Variants in WDR62 observed in about 807,000 individuals in gnomAD.
WDR62 encodes WD repeat domain 62, also known as WD repeat-containing protein 62.
Under a neutral mutation model 160.6 loss-of-function variants are expected in WDR62, and 112 were observed. The ratio of observed to expected loss-of-function variants is 0.70; its 90% CI spans 0.60 to 0.82. WDR62 has a LOEUF of 0.82. Ranked by LOEUF, WDR62 falls within the 40% of genes least tolerant of loss-of-function variation. The pLI, the probability that WDR62 is intolerant of heterozygous loss-of-function variation, is 0.00. For synonymous variants in WDR62, 792 were observed against 815.1 expected (o/e 0.97, Z 0.48); for missense variants, 1,819 against 1,983.8 (o/e 0.92, Z 1.58).
chr19:36,067,851 A>G lies in WDR62; in HGVS notation c.723A>G (p.Val241=), dbSNP rs1487717436. ...AGGTGACGAGCACAGTGCCCCTTGT[A>G]GGGCGCTCGGGCATCCTGGGCGAGC... The part of the protein sequence containing the change: ...ETKVTSTVPL[V]GRSGILGELH... The change falls in exon 7 of 32, where the codon GTA becomes GTG. Residue 241 remains valine (V), a synonymous_variant. Coordinates refer to ENST00000401500, the MANE Select transcript of WDR62 (RefSeq NM_001083961.2). The G allele has an allele frequency of 6.2e-7, 1 of 1,614,158 alleles. No homozygotes were observed. The highest frequency in any genetic ancestry group is 1.7e-5 in the Admixed American group (1 of 60,028).
chr19:36,093,015 A>G (rs1972727909), intron 19 of WDR62, among the ~76,000 whole-genome samples: 1 of 152,216 alleles, frequency 6.6e-6, no homozygotes, highest in Non-Finnish European at 1.5e-5. Flanking sequence ...ATTTTCGTAA[A>G]TAATAGAGAC....
intron 3 of WDR62, chr19:36,060,689 T>A (rs185469905): frequency 1.3e-5 from 2 of 153,480 alleles, no homozygotes; most frequent in African/African-American, 4.8e-5. Flanking sequence ...CTCCAGCAGC[T>A]CTATTCCCTG....
At chr19:36,109,016 G>A (rs962377957), downstream of WDR62, among the ~76,000 whole-genome samples, 13 of 152,040 alleles carry the variant, frequency 8.6e-5, no homozygotes, top group African/African-American at 2.7e-4. Context: ...TGAAGAAACC[G>A]AGGCCCAATG....
Position 36,079,171 on chromosome 19 carries a change from TC to T in WDR62, c.1234-2261del, listed in dbSNP as rs373848718. 8.0e-4 allele frequency among the ~76,000 whole-genome samples: 122 copies of T among 152,276 alleles called. 2 individuals are homozygous for T. The East Asian group carries it at 0.016, about 20-fold the overall frequency. On this transcript the variant is annotated intron_variant, in intron 9 of 31. Coordinates refer to ENST00000401500, the MANE Select transcript of WDR62 (RefSeq NM_001083961.2). ...ATCACAGCTCACTGAAGCCTCAACC[TC>T]ATAGGCACAAGCAGTTCTCCTGCCT...
intron 11 of WDR62, 115 bp from the exon 12 acceptor site, chr19:36,084,538 G>A: frequency 1.1e-6 from 1 of 901,156 alleles, no homozygotes; most frequent in Non-Finnish European, 1.8e-6. Flanking sequence ...TAGAGTATTT[G>A]GCCATGATAA....
chr19:36,102,500 A>G (rs779145624), intron 26 of WDR62: 4 of 594,124 alleles, frequency 6.7e-6, no homozygotes, highest in Non-Finnish European at 9.0e-6. Context: ...GCCTCAGATG[A>G]TCTGCCCGCC....
At chr19:36,081,329 A>T (rs1599791480) in intron 9 of WDR62, 104 bp from the exon 10 acceptor site, 2 of 1,365,816 alleles carry the variant, frequency 1.5e-6, no homozygotes, top group South Asian at 2.3e-5. Flanking sequence ...ATTGCACGAT[A>T]CCTGTTTATC....
rs202208001 is a variant in WDR62 at position 36,073,450 on chromosome 19, C to T, written c.1152C>T (p.Tyr384=). ...GCGTGTATAAGGACCACAGCATCTACATCTGGGATGTCAAGGACATCAACA... is the reference window on the plus strand; with the variant it reads ...GCGTGTATAAGGACCACAGCATCTATATCTGGGATGTCAAGGACATCAACA... ...LSCVYKDHSI[Y]IWDVKDINRV... Residue 384 remains tyrosine, a synonymous_variant, in exon 9 of 32, where the codon TAC becomes TAT. Coordinates refer to ENST00000401500, the MANE Select transcript of WDR62 (RefSeq NM_001083961.2). 7.4e-6 allele frequency: 12 copies of T among 1,614,136 alleles called. No homozygotes were observed. The African/African-American group carries it at 1.5e-4, about 20-fold the overall frequency.
In WDR62 at chr19:36,084,716, G is replaced by A. The variant is rs774792867; in HGVS notation, c.1614G>A (p.Leu538=). ...TGGAGGCCCATGATGCTGAGGTGCTGTGCCTGGAGTACTCCAAGCCAGAGA... is the reference window on the plus strand; with the variant it reads ...TGGAGGCCCATGATGCTGAGGTGCTATGCCTGGAGTACTCCAAGCCAGAGA... ...VKVEAHDAEV[L]CLEYSKPETG... The change falls in exon 12 of 32, where the codon CTG becomes CTA. Residue 538 remains leucine (L), a synonymous_variant. Coordinates refer to ENST00000401500, the MANE Select transcript of WDR62 (RefSeq NM_001083961.2). 3.1e-6 allele frequency: 5 copies of A among 1,613,784 alleles called. No individual in the cohort carries two copies. Among genetic ancestry groups the A allele is most frequent in the Admixed American group, 3.3e-5 (2 of 60,006 alleles).
chr19:36,096,877 G>A (rs1972999095), intron 20 of WDR62, 150 bp from the exon 21 acceptor site: 15 of 742,452 alleles, frequency 2.0e-5, no homozygotes, highest in Middle Eastern at 4.5e-4. Flanking sequence ...CGCATCCCAC[G>A]GTTTAAGTTT....
chr19:36,065,708 C>CA (rs1970898183), intron 3 of WDR62, among the ~76,000 whole-genome samples: 1 of 152,224 alleles, frequency 6.6e-6, no homozygotes, highest in Admixed American at 6.5e-5. Context: ...GGTCCGCATA[C>CA]AGTGTCTACT....
chr19:36,091,435 G>A lies in WDR62; in HGVS notation c.2180G>A (p.Cys727Tyr), dbSNP rs746595959. ...IITSMKFTYD[C>Y]HHLITVSGDS... ...ACCAGCATGAAGTTCACCTATGACTGTCATCACTTGATCACAGTATCTGGA... is the reference window on the plus strand; with the variant it reads ...ACCAGCATGAAGTTCACCTATGACTATCATCACTTGATCACAGTATCTGGA... Residue 727 changes from cysteine (C) to tyrosine (Y), a missense_variant, in exon 18 of 32, where the codon TGT (cysteine) becomes TAT (tyrosine). By Grantham distance (194) the Cys-to-Tyr change is radical (BLOSUM62 -2). Coordinates refer to ENST00000401500, the MANE Select transcript of WDR62 (RefSeq NM_001083961.2). 1.2e-6 allele frequency: 2 copies of A among 1,613,048 alleles called. No individual in the cohort carries two copies. Among genetic ancestry groups the A allele is most frequent in the South Asian group, 2.2e-5 (2 of 91,054 alleles).
rs1218100899 is a variant in WDR62 at position 36,078,621 on chromosome 19, G to A, written c.1234-2812G>A. 4.6e-5 allele frequency among the ~76,000 whole-genome samples: 7 copies of A among 151,866 alleles called. 1 individual carries two copies. The highest frequency in any genetic ancestry group is 1.0e-4 in the Non-Finnish European group (7 of 67,966). On this transcript the variant is annotated intron_variant, in intron 9 of 31. Coordinates refer to ENST00000401500, the MANE Select transcript of WDR62 (RefSeq NM_001083961.2). Reference sequence around the variant, plus strand: ...AGGCCGAGGCAGGTGGATCACCTGAGGTCAGGAGTTTGAGACCAGCCTGGC... The same window carrying A: ...AGGCCGAGGCAGGTGGATCACCTGAAGTCAGGAGTTTGAGACCAGCCTGGC...
intron 21 of WDR62, 109 bp from the exon 22 acceptor site, chr19:36,099,290 G>T: frequency 1.3e-6 from 1 of 782,068 alleles, no homozygotes; most frequent in Non-Finnish European, 2.2e-6. Flanking sequence ...AGTTGTTTCT[G>T]AATGGTATTG....
intron 3 of WDR62, among the ~76,000 whole-genome samples, chr19:36,063,410 G>A (rs935409900): frequency 1.3e-5 from 2 of 151,990 alleles, no homozygotes; most frequent in South Asian, 2.1e-4. Context: ...CACCGTGCCT[G>A]GCTAATTTTT....
intron 9 of WDR62, among the ~76,000 whole-genome samples, chr19:36,076,572 GAA>G (rs1187315435): frequency 6.7e-6 from 1 of 149,476 alleles, no homozygotes; most frequent in African/African-American, 2.5e-5. Context: ...AAAAAAAAAA[GAA>G]AAAAGAGAAA....
chr19:36,094,567 A>G (rs1972842001), intron 20 of WDR62, among the ~76,000 whole-genome samples: 1 of 150,312 alleles, frequency 6.7e-6, no homozygotes, highest in Admixed American at 6.6e-5. Context: ...AATAATAATA[A>G]TAATAATAAT....
intron 9 of WDR62, among the ~76,000 whole-genome samples, chr19:36,074,628 AG>A (rs143479596): frequency 0.017 from 2,654 of 152,346 alleles, 32 homozygotes; most frequent in Non-Finnish European, 0.029. Flanking sequence ...GGCCAGATTC[AG>A]GATCGTGAGA....
At chr19:36,067,129 C>T (rs764453551) in intron 5 of WDR62, among the ~76,000 whole-genome samples, 177 bp from the exon 6 acceptor site, 4 of 152,184 alleles carry the variant, frequency 2.6e-5, no homozygotes, top group African/African-American at 4.8e-5. Context: ...CTTCCTCTGT[C>T]GGTGAGGAAT....
Sources: gnomAD v4.1 joint callset for allele counts (sites outside exome capture counted in the v4.1 genomes callset) on GRCh38, gnomAD v4.1.1 for gene constraint, MANE v1.5 for transcripts, NCBI Gene and HGNC (gene_info 2026-07-23, HGNC 2026-07-21) for gene names.